The following RANBP2 variants were observed in gnomAD, a reference collection of about 807,000 sequenced individuals.
RANBP2 encodes RAN binding protein 2, also known as E3 SUMO-protein ligase RanBP2.
In RANBP2, 57 loss-of-function variants were observed where a neutral mutation model predicts 303.6. That is an observed-to-expected ratio of 0.19 (90% CI 0.15 to 0.23). The LOEUF is 0.23. RANBP2 is among the 10% of genes least tolerant of loss of function. The probability of loss-of-function intolerance (pLI) is 1.00; values close to 1 mark genes in which losing one functional copy is unlikely to be tolerated. For synonymous variants in RANBP2, 1,167 were observed against 1,301.5 expected (o/e 0.90, Z 2.23); for missense variants, 3,138 against 3,780.8 (o/e 0.83, Z 4.46).
chr2:109,483,159 A>G, the RANBP2 span, among the ~76,000 whole-genome samples: 1 of 152,166 alleles, frequency 6.6e-6, no homozygotes, highest in Non-Finnish European at 1.5e-5. Context: ...TCCCCACTAA[A>G]ATTTTAACAG....
chr2:108,850,963 T>G, the RANBP2 span, among the ~76,000 whole-genome samples: 1 of 152,138 alleles, frequency 6.6e-6, no homozygotes, highest in African/African-American at 2.4e-5. Context: ...ATCCCACAAG[T>G]TGGGCACTCA....
the RANBP2 span, among the ~76,000 whole-genome samples, chr2:109,777,686 G>A: frequency 7.9e-6 from 1 of 126,266 alleles, no homozygotes; most frequent in African/African-American, 2.9e-5. Context: ...AGAGATTTGA[G>A]TACTTGAGTA....
intron 1 of RANBP2, among the ~76,000 whole-genome samples, chr2:108,723,053 G>GT (rs1371716937): frequency 1.3e-5 from 2 of 151,684 alleles, no homozygotes; most frequent in African/African-American, 4.8e-5. Flanking sequence ...TTATTTATTT[G>GT]TTTTTTAGAA....
the RANBP2 span, among the ~76,000 whole-genome samples, chr2:108,927,540 T>C: frequency 3.3e-5 from 5 of 152,252 alleles, no homozygotes; most frequent in Admixed American, 1.3e-4. Flanking sequence ...ATGGACACCT[T>C]CTCAGGTCTG....
At chr2:109,764,310 GC>G in the RANBP2 span, among the ~76,000 whole-genome samples, 3 of 146,698 alleles carry the variant, frequency 2.0e-5, no homozygotes, top group African/African-American at 7.5e-5. Flanking sequence ...GCGCAAGGCT[GC>G]CCCCTCCACT....
the RANBP2 span, among the ~76,000 whole-genome samples, chr2:108,842,641 A>G: frequency 6.6e-6 from 1 of 152,148 alleles, no homozygotes; most frequent in Admixed American, 6.5e-5. Flanking sequence ...TCATCTAGCT[A>G]TTCCATAGGG....
At chr2:108,730,511 C>T (rs1234267156) in intron 2 of RANBP2, among the ~76,000 whole-genome samples, 7 of 151,984 alleles carry the variant, frequency 4.6e-5, no homozygotes, top group Admixed American at 2.6e-4. Flanking sequence ...ATGTTCATTT[C>T]TTATGTGTGG....
chr2:109,493,361 C>T, the RANBP2 span, among the ~76,000 whole-genome samples: 1 of 150,552 alleles, frequency 6.6e-6, no homozygotes, highest in Non-Finnish European at 1.5e-5. Flanking sequence ...CAAACAGACA[C>T]ATGCCACACA....
At chr2:109,453,486 G>A in the RANBP2 span, among the ~76,000 whole-genome samples, 120 of 152,324 alleles carry the variant, frequency 7.9e-4, no homozygotes, top group African/African-American at 2.8e-3. Context: ...CAGGTGATAC[G>A]AACCCTCAGG....
At chr2:109,116,118 C>G in the RANBP2 span, among the ~76,000 whole-genome samples, 1 of 152,250 alleles carries the variant, frequency 6.6e-6, no homozygotes, top group South Asian at 2.1e-4. Flanking sequence ...CTTGGAGTTG[C>G]TCTTCTCGAG....
At chr2:109,573,339 C>T in the RANBP2 span, among the ~76,000 whole-genome samples, 3 of 152,162 alleles carry the variant, frequency 2.0e-5, no homozygotes, top group African/African-American at 7.2e-5. Context: ...CCTCATGTTG[C>T]TCCTCTCTAG....
chr2:108,803,061 G>C, the RANBP2 span, among the ~76,000 whole-genome samples: 185 of 152,282 alleles, frequency 1.2e-3, 1 homozygote, highest in African/African-American at 4.2e-3. Flanking sequence ...CTGAGACTTG[G>C]GTAACAGTTT....
the RANBP2 span, among the ~76,000 whole-genome samples, chr2:109,248,774 CTTCT>C: frequency 5.4e-5 from 8 of 149,212 alleles, no homozygotes; most frequent in East Asian, 9.8e-4. Context: ...CTCTCTTTCT[CTTCT>C]TTCTGTCTTT....
chr2:109,208,380 C>T, the RANBP2 span, among the ~76,000 whole-genome samples: 1 of 152,216 alleles, frequency 6.6e-6, no homozygotes, highest in South Asian at 2.1e-4. Flanking sequence ...GCTCGGTCTT[C>T]AGGGATGGGC....
the RANBP2 span, chr2:109,432,654 C>T: frequency 3.2e-5 from 51 of 1,612,168 alleles, no homozygotes; most frequent in African/African-American, 2.8e-4. Flanking sequence ...CCGGAAACTA[C>T]GTGACACCCG....
chr2:109,039,745 A>G, the RANBP2 span, among the ~76,000 whole-genome samples: 3 of 152,046 alleles, frequency 2.0e-5, no homozygotes, highest in East Asian at 3.9e-4. Context: ...TATCTTATTT[A>G]TGAATTTATT....
At chr2:109,444,836 C>T in the RANBP2 span, among the ~76,000 whole-genome samples, 1 of 152,044 alleles carries the variant, frequency 6.6e-6, no homozygotes, top group Non-Finnish European at 1.5e-5. Context: ...CCAATAAACT[C>T]AAGAGATAGG....
chr2:109,371,629 C>A, the RANBP2 span: 1 of 1,613,972 alleles, frequency 6.2e-7, no homozygotes, highest in Non-Finnish European at 8.5e-7. Context: ...GAGAACTGGG[C>A]GGAAGGCATG....
At chr2:109,090,619 A>G in the RANBP2 span, among the ~76,000 whole-genome samples, 1 of 151,974 alleles carries the variant, frequency 6.6e-6, no homozygotes, top group Admixed American at 6.6e-5. Flanking sequence ...TTTTAATCCC[A>G]GTTCTGTCCA....
Sources: allele counts gnomAD v4.1 joint callset (sites outside exome capture counted in the v4.1 genomes callset), GRCh38; gene constraint gnomAD v4.1.1; transcripts MANE v1.5; gene names NCBI Gene and HGNC (gene_info 2026-07-23, HGNC 2026-07-21).